Variants in UNC5D observed in about 807,000 individuals in gnomAD.
UNC5D encodes netrin receptor UNC5D.
A neutral mutation model predicts 105.4 loss-of-function variants in UNC5D; 39 were observed. The observed-to-expected ratio is 0.37, with a 90% CI of 0.29 to 0.48. The LOEUF is 0.48. UNC5D is among the 20% of genes least tolerant of loss of function. UNC5D has a pLI of 0.98. For missense variants in UNC5D, 991 were observed against 1,202.4 expected (o/e 0.82, Z 2.60); for synonymous variants, 452 against 450.4 (o/e 1.00, Z -0.04).
intron 2 of UNC5D, among the ~76,000 whole-genome samples, chr8:35,551,824 A>T (rs1816167049): frequency 6.6e-6 from 1 of 152,014 alleles, no homozygotes; most frequent in East Asian, 1.9e-4. Flanking sequence ...CTAAAAAAAA[A>T]AAGAAAAAAA....
At chr8:35,272,573 A>G (rs1805485897) in intron 1 of UNC5D, among the ~76,000 whole-genome samples, 1 of 152,100 alleles carries the variant, frequency 6.6e-6, no homozygotes, top group Non-Finnish European at 1.5e-5. Context: ...ATGTCACCTA[A>G]CATGGCCTGC....
chr8:35,548,689 G>A (rs1321310141), intron 1 of UNC5D, among the ~76,000 whole-genome samples: 1 of 152,200 alleles, frequency 6.6e-6, no homozygotes, highest in African/African-American at 2.4e-5. Flanking sequence ...GGGGCAGAGG[G>A]TGGGCCAAAG....
intron 8 of UNC5D, among the ~76,000 whole-genome samples, chr8:35,710,931 A>ATTTTTTTT (rs1827896059): frequency 6.6e-5 from 8 of 122,026 alleles, no homozygotes; most frequent in African/African-American, 2.9e-4. Context: ...GCTCAGCATT[A>ATTTTTTTT]TTCTTTTTTT....
chr8:35,742,023 T>C (rs1348861741), intron 11 of UNC5D, among the ~76,000 whole-genome samples: 2 of 152,218 alleles, frequency 1.3e-5, no homozygotes, highest in East Asian at 3.9e-4. Flanking sequence ...ATGTCACTTT[T>C]GTCCTCCATT....
Position 35,726,522 on chromosome 8 carries a change from A to C in UNC5D, c.1674A>C (p.Pro558=). ...FGHLGGRLVM[P]NTGVSLLIPH... ...ATTTAGGGGGGCGCTTAGTAATGCC[A>C]AATACAGGTGGGTGGTAAGTGTGTG... Residue 558 remains proline, a synonymous_variant, in exon 10 of 17, where the codon CCA becomes CCC. Transcript: ENST00000404895. 6.2e-7 allele frequency: 1 copy of C among 1,611,914 alleles called. No homozygotes were observed. Among genetic ancestry groups the C allele is most frequent in the South Asian group, 1.1e-5 (1 of 91,062 alleles).
chr8:35,382,636 C>T (rs1056581781), intron 1 of UNC5D, among the ~76,000 whole-genome samples: 2 of 151,948 alleles, frequency 1.3e-5, no homozygotes, highest in Non-Finnish European at 2.9e-5. Context: ...TAATAAATTC[C>T]AAAAGATGAA....
intron 1 of UNC5D, among the ~76,000 whole-genome samples, chr8:35,512,465 CATATATATATAT>C (rs780945660): frequency 2.7e-3 from 54 of 20,112 alleles, no homozygotes; most frequent in African/African-American, 6.9e-3. Context: ...AATAGTGAGC[CATATATATATAT>C]ATATATATAT....
chr8:35,671,756 G>A (rs1215639577), intron 4 of UNC5D, among the ~76,000 whole-genome samples: 1 of 152,032 alleles, frequency 6.6e-6, no homozygotes, highest in Non-Finnish European at 1.5e-5. Context: ...CTTGGATAGA[G>A]TGTCTAGTAA....
chr8:35,428,133 T>C (rs540214076), intron 1 of UNC5D, among the ~76,000 whole-genome samples: 3 of 152,200 alleles, frequency 2.0e-5, no homozygotes, highest in South Asian at 2.1e-4. Context: ...CCCACATTCA[T>C]GGAAACAAAT....
chr8:35,292,474 A>G (rs546994746), intron 1 of UNC5D, among the ~76,000 whole-genome samples: 38 of 152,182 alleles, frequency 2.5e-4, no homozygotes, highest in Non-Finnish European at 5.3e-4. Flanking sequence ...AATGTTGGAC[A>G]TTGGTCAAAG....
intron 4 of UNC5D, among the ~76,000 whole-genome samples, chr8:35,620,131 A>C (rs148008490): frequency 2.6e-5 from 4 of 152,332 alleles, no homozygotes; most frequent in African/African-American, 7.2e-5. Flanking sequence ...CTCTGTATTC[A>C]ACATGGACTT....
chr8:35,726,730 A>G, intron 10 of UNC5D: 1 of 740,378 alleles, frequency 1.4e-6, no homozygotes, highest in Admixed American at 2.9e-5. Flanking sequence ...TCATCTCAGC[A>G]TGGATTGAAT....
intron 1 of UNC5D, among the ~76,000 whole-genome samples, chr8:35,306,305 A>G (rs1353652704): frequency 3.3e-5 from 5 of 151,996 alleles, no homozygotes; most frequent in African/African-American, 1.2e-4. Context: ...ATATCCACTG[A>G]GGTTTTTTTG....
At chr8:35,349,540 C>G (rs546735549) in intron 1 of UNC5D, among the ~76,000 whole-genome samples, 1 of 152,034 alleles carries the variant, frequency 6.6e-6, no homozygotes, top group South Asian at 2.1e-4. Flanking sequence ...ATCAAAAGCA[C>G]AAATTTTGTC....
chr8:35,568,556 G>C (rs549473135), intron 3 of UNC5D, among the ~76,000 whole-genome samples: 2 of 152,174 alleles, frequency 1.3e-5, no homozygotes, highest in South Asian at 4.1e-4. Flanking sequence ...AGGTGTGGTG[G>C]TGTGCGTCTG....
At chr8:35,684,331 G>C (rs1440033707) in intron 5 of UNC5D, among the ~76,000 whole-genome samples, 2 of 152,148 alleles carry the variant, frequency 1.3e-5, no homozygotes, top group African/African-American at 4.8e-5. Context: ...TTATTGATGA[G>C]TTCTTTCTAT....
intron 1 of UNC5D, among the ~76,000 whole-genome samples, chr8:35,495,760 A>G (rs1348243818): frequency 6.6e-6 from 1 of 152,174 alleles, no homozygotes; most frequent in Non-Finnish European, 1.5e-5. Flanking sequence ...TCATTGAAAT[A>G]CTAAGTAATA....
intron 1 of UNC5D, among the ~76,000 whole-genome samples, chr8:35,258,587 C>A (rs950630305): frequency 1.8e-4 from 27 of 151,850 alleles, no homozygotes; most frequent in African/African-American, 6.3e-4. Flanking sequence ...GAGGATTAAG[C>A]AAATTAATAT....
At chr8:35,329,134 A>C (rs1810401930) in intron 1 of UNC5D, among the ~76,000 whole-genome samples, 1 of 152,126 alleles carries the variant, frequency 6.6e-6, no homozygotes. Context: ...TGACACTCAT[A>C]AAATAGATGT....
Sources: gnomAD v4.1 joint callset for allele counts (sites outside exome capture counted in the v4.1 genomes callset) on GRCh38, gnomAD v4.1.1 for gene constraint, MANE v1.5 for transcripts, NCBI Gene and HGNC (gene_info 2026-07-23, HGNC 2026-07-21) for gene names.